The following RBFOX3 variants were observed in gnomAD, a reference collection of about 807,000 sequenced individuals.
RBFOX3 encodes the protein RNA binding protein fox-1 homolog 3.
Under a neutral mutation model 48.7 loss-of-function variants are expected in RBFOX3, and 17 were observed. The ratio of observed to expected loss-of-function variants is 0.35; its 90% CI spans 0.24 to 0.52. RBFOX3 has a LOEUF of 0.52. Ranked by LOEUF, RBFOX3 falls within the 20% of genes least tolerant of loss-of-function variation. The pLI, the probability that RBFOX3 is intolerant of heterozygous loss-of-function variation, is 0.94. For missense variants in RBFOX3, 382 were observed against 497.5 expected (o/e 0.77, Z 2.21); for synonymous variants, 212 against 209.5 (o/e 1.01, Z -0.10).
rs1467134500 is a variant in RBFOX3 at position 79,249,425 on chromosome 17, C to T, written c.-73-13620G>A. On this transcript the variant is annotated intron_variant, in intron 3 of 14. Transcript: ENST00000693108. This position sits in a 1 kb window ranked among gnomAD's most constrained non-coding sequence, Gnocchi z 4.1. ...GCTTTGACATCTGAAGCCTTGCTGG[C>T]CCTGGGGAGACGGCTCCTCCCAAAG... is the stretch of plus-strand genomic sequence containing the variant. Among the ~76,000 whole-genome samples, 1 of 152,124 alleles carries T rather than the reference C, an allele frequency of 6.6e-6. No individual in the cohort carries two copies. Among genetic ancestry groups the T allele is most frequent in the Admixed American group, 6.5e-5 (1 of 15,278 alleles).
Position 79,311,593 on chromosome 17 carries a change from A to G in RBFOX3, c.-174-3769T>C, listed in dbSNP as rs1041671160. Among the ~76,000 whole-genome samples the G allele has an allele frequency of 9.9e-5, 15 of 152,128 alleles. No individual in the cohort carries two copies. Among genetic ancestry groups the G allele is most frequent in the Non-Finnish European group, 2.2e-4 (15 of 68,028 alleles). ...CTATCTGTCAATCAATCAATAATCA[A>G]TCAATCAATCATCTACCTACCTACC... On this transcript the variant is annotated intron_variant, in intron 2 of 14. Transcript: ENST00000693108. The surrounding 1 kb of genome is among the most constrained non-coding windows in gnomAD (Gnocchi z 4.2).
chr17:79,119,663 G>C (rs2035154824), intron 4 of RBFOX3, among the ~76,000 whole-genome samples: 1 of 152,182 alleles, frequency 6.6e-6, no homozygotes, highest in African/African-American at 2.4e-5. Context: ...TCCGCAAATG[G>C]TCACAATAGA....
intron 4 of RBFOX3, among the ~76,000 whole-genome samples, chr17:79,186,591 C>G (rs2053454741): frequency 6.6e-6 from 1 of 152,184 alleles, no homozygotes; most frequent in South Asian, 2.1e-4. Context: ...AGCCTGTGCT[C>G]CTGGTGGCTG....
At chr17:79,231,515 C>T (rs372431870) in intron 4 of RBFOX3, among the ~76,000 whole-genome samples, 15 of 152,038 alleles carry the variant, frequency 9.9e-5, no homozygotes, top group African/African-American at 1.4e-4. Context: ...AAGAAAACTG[C>T]CTTTGTTAAC....
chr17:79,154,392 C>A (rs941601375), intron 4 of RBFOX3, among the ~76,000 whole-genome samples: 1 of 152,214 alleles, frequency 6.6e-6, no homozygotes, highest in African/African-American at 2.4e-5. Context: ...CTGTGAGGAC[C>A]AAGACCTCAT....
At chr17:79,336,077 C>T (rs12450839) in intron 2 of RBFOX3, among the ~76,000 whole-genome samples, 20,838 of 152,198 alleles carry the variant, frequency 0.14, 2,064 homozygotes, top group East Asian at 0.36. Context: ...CACCCCATCA[C>T]ACCCGTTCTT....
intron 2 of RBFOX3, among the ~76,000 whole-genome samples, chr17:79,383,623 G>T (rs947884380): frequency 6.6e-6 from 1 of 152,208 alleles, no homozygotes; most frequent in Non-Finnish European, 1.5e-5. Context: ...CAGAGCATGG[G>T]ACACCTGAGG....
intron 2 of RBFOX3, among the ~76,000 whole-genome samples, chr17:79,313,781 TG>T (rs2077170770): frequency 6.6e-6 from 1 of 151,918 alleles, no homozygotes; most frequent in African/African-American, 2.4e-5. Flanking sequence ...TGCCTCGGGG[TG>T]GGGGGCCGCT....
chr17:79,221,857 G>T (rs938822515), intron 4 of RBFOX3, among the ~76,000 whole-genome samples: 5 of 152,260 alleles, frequency 3.3e-5, no homozygotes, highest in African/African-American at 1.2e-4. Context: ...AGCAGCATCA[G>T]CTTTGAGTCT....
chr17:79,235,862 C>T (rs958248656), intron 3 of RBFOX3, 57 bp from the exon 4 acceptor site: 3 of 153,650 alleles, frequency 2.0e-5, no homozygotes, highest in Non-Finnish European at 4.4e-5. Context: ...TGTCATCATG[C>T]ATCTGGTTGC....
chr17:79,179,616 A>G (rs2051414705), intron 4 of RBFOX3, among the ~76,000 whole-genome samples: 5 of 152,148 alleles, frequency 3.3e-5, no homozygotes. Flanking sequence ...ATAGGATGGA[A>G]TAAGATTCTC....
chr17:79,124,811 T>C (rs1252626372), intron 4 of RBFOX3, among the ~76,000 whole-genome samples: 5 of 151,984 alleles, frequency 3.3e-5, no homozygotes, highest in Non-Finnish European at 7.4e-5. Flanking sequence ...CTGGTGACAG[T>C]GGGGGGTGGG....
intron 1 of RBFOX3, among the ~76,000 whole-genome samples, chr17:79,531,038 G>A (rs1332204279): frequency 2.0e-5 from 3 of 152,228 alleles, no homozygotes; most frequent in African/African-American, 7.2e-5. Flanking sequence ...AAGGTCGCTG[G>A]GGCTTTGTGC....
chr17:79,208,120 T>C (rs116170567), intron 4 of RBFOX3, among the ~76,000 whole-genome samples: 10,134 of 151,954 alleles, frequency 0.067, 452 homozygotes, highest in Non-Finnish European at 0.099. Flanking sequence ...GCAGAAACAC[T>C]CCCTCTCCCC....
chr17:79,162,249 T>C (rs1365004427), intron 4 of RBFOX3, among the ~76,000 whole-genome samples: 1 of 152,222 alleles, frequency 6.6e-6, no homozygotes, highest in African/African-American at 2.4e-5. Flanking sequence ...TAATTTGTAA[T>C]CTGGGAGTTA....
intron 2 of RBFOX3, among the ~76,000 whole-genome samples, chr17:79,438,726 C>T (rs1197242580): frequency 1.3e-5 from 2 of 152,234 alleles, no homozygotes; most frequent in African/African-American, 2.4e-5. Context: ...CATCAGTTCC[C>T]GAGGGCACTC....
intron 3 of RBFOX3, among the ~76,000 whole-genome samples, chr17:79,245,970 C>T (rs1437819740): frequency 6.6e-6 from 1 of 151,908 alleles, no homozygotes; most frequent in African/African-American, 2.4e-5. Flanking sequence ...ATGAGAATCA[C>T]GTCATTGGCC....
the RBFOX3 span, among the ~76,000 whole-genome samples, chr17:79,656,961 G>A: frequency 5.3e-5 from 8 of 151,426 alleles, no homozygotes; most frequent in African/African-American, 2.0e-4. Context: ...CAGTAGGCCG[G>A]ATTTTGCTGT....
At chr17:79,476,653 C>T (rs757368796) in intron 2 of RBFOX3, among the ~76,000 whole-genome samples, 23 of 152,060 alleles carry the variant, frequency 1.5e-4, no homozygotes, top group Non-Finnish European at 2.6e-4. Flanking sequence ...ATCTCCTCTC[C>T]GACCCCTGTG....
Sources: allele counts gnomAD v4.1 joint callset (sites outside exome capture counted in the v4.1 genomes callset), GRCh38; gene constraint gnomAD v4.1.1; non-coding constraint Gnocchi (gnomAD v3.1); transcripts MANE v1.5; gene names NCBI Gene and HGNC (gene_info 2026-07-23, HGNC 2026-07-21).